The following PDE6A variants were observed in gnomAD, a reference collection of about 807,000 sequenced individuals.
PDE6A encodes the protein phosphodiesterase 6A, also known as rod cGMP-specific 3',5'-cyclic phosphodiesterase subunit alpha.
In PDE6A, 84 loss-of-function variants were observed where a neutral mutation model predicts 106.3. The observed-to-expected ratio is 0.79, with a 90% CI of 0.66 to 0.95. The LOEUF is 0.95. Among genes scored for constraint, PDE6A ranks in the 40% least tolerant of loss-of-function variants. PDE6A has a pLI of 0.00. For missense variants in PDE6A, 1,052 were observed against 1,084.9 expected (o/e 0.97, Z 0.43); for synonymous variants, 394 against 386.6 (o/e 1.02, Z -0.23).
chr5:149,932,027 C>T, intron 3 of PDE6A: 1 of 1,503,910 alleles, frequency 6.6e-7, no homozygotes. Context: ...AAAACCAGAG[C>T]CAGCTATTAA....
At chr5:149,902,176 C>T (rs1423567011) in intron 8 of PDE6A, among the ~76,000 whole-genome samples, 2 of 152,064 alleles carry the variant, frequency 1.3e-5, no homozygotes, top group African/African-American at 2.4e-5. Context: ...TCCTGCCAGT[C>T]TCTCCCTCAA....
At chr5:149,888,819 C>T (rs1020545095) in intron 13 of PDE6A, among the ~76,000 whole-genome samples, 1 of 151,950 alleles carries the variant, frequency 6.6e-6, no homozygotes, top group African/African-American at 2.4e-5. Context: ...TGCGGTGGCT[C>T]ACGCCTGTAA....
chr5:149,937,677 A>C (rs558880386), intron 1 of PDE6A, among the ~76,000 whole-genome samples: 7 of 152,206 alleles, frequency 4.6e-5, no homozygotes, highest in African/African-American at 1.7e-4. Flanking sequence ...CACCTGGCTG[A>C]GTTTGGATTT....
intron 17 of PDE6A, among the ~76,000 whole-genome samples, chr5:149,875,563 C>T (rs1049790945): frequency 4.7e-5 from 7 of 150,454 alleles, no homozygotes; most frequent in Admixed American, 1.3e-4. Flanking sequence ...CGTCAGGGCT[C>T]GCTGCAGCCT....
chr5:149,862,619 A>T (rs944341247), intron 21 of PDE6A, among the ~76,000 whole-genome samples: 1 of 152,200 alleles, frequency 6.6e-6, no homozygotes, highest in African/African-American at 2.4e-5. Context: ...TTAGCCAGGC[A>T]TGGCACTGGG....
intron 3 of PDE6A, chr5:149,932,342 T>C: frequency 7.0e-7 from 1 of 1,422,796 alleles, no homozygotes; most frequent in Non-Finnish European, 9.9e-7. Flanking sequence ...TTGTAGGAGG[T>C]CTTTCTAAAT....
intron 5 of PDE6A, among the ~76,000 whole-genome samples, chr5:149,921,378 AATGTTAGGG>A (rs1044646027): frequency 2.6e-5 from 4 of 152,134 alleles, no homozygotes; most frequent in African/African-American, 9.7e-5. Context: ...CCACTTTGCA[AATGTTAGGG>A]ATGTTAGGGC....
At chr5:149,935,921 G>A (rs1581212690) in intron 1 of PDE6A, among the ~76,000 whole-genome samples, 1 of 152,180 alleles carries the variant, frequency 6.6e-6, no homozygotes, top group Non-Finnish European at 1.5e-5. Context: ...GAAGGCCAAG[G>A]TGGGAGTATT....
intron 20 of PDE6A, among the ~76,000 whole-genome samples, chr5:149,864,191 CA>C (rs1444807112): frequency 6.6e-6 from 1 of 151,982 alleles, no homozygotes; most frequent in Non-Finnish European, 1.5e-5. Context: ...GTCTGGGACA[CA>C]AGGATACTCA....
intron 17 of PDE6A, among the ~76,000 whole-genome samples, chr5:149,876,922 GATAGATAGATAC>G: frequency 6.6e-6 from 1 of 152,016 alleles, no homozygotes; most frequent in African/African-American, 2.4e-5. Context: ...ATGATAGATA[GATAGATAGATAC>G]ATAGATAGAT....
chr5:149,920,967 A>AAAGAAAGAAAG (rs1388090813), intron 5 of PDE6A, among the ~76,000 whole-genome samples: 15 of 130,506 alleles, frequency 1.1e-4, no homozygotes, highest in Non-Finnish European at 2.2e-4. Flanking sequence ...AGAAAGAAAG[A>AAAGAAAGAAAG]AAGAAAGAAA....
intron 3 of PDE6A, chr5:149,932,126 A>G (rs1450600975): frequency 1.7e-5 from 21 of 1,238,026 alleles, no homozygotes; most frequent in South Asian, 2.4e-5. Flanking sequence ...GTAGACGTCT[A>G]TTTAGTTTGA....
At chr5:149,893,511 G>A (rs1752622386) in intron 13 of PDE6A, among the ~76,000 whole-genome samples, 2 of 152,132 alleles carry the variant, frequency 1.3e-5, no homozygotes, top group Admixed American at 1.3e-4. Context: ...CCTACAAAAG[G>A]TATATCCTGC....
chr5:149,896,508 T>G lies in PDE6A; in HGVS notation c.1474-6A>C. 6.2e-7 allele frequency: 1 copy of G among 1,614,212 alleles called. No individual in the cohort carries two copies. On this transcript the variant is annotated splice_polypyrimidine_tract_variant and splice_region_variant and intron_variant, in intron 11 of 21. Coordinates refer to ENST00000255266, the MANE Select transcript of PDE6A (RefSeq NM_000440.3). ...GCATCTGGCAGCTCCGCTTGCTGTATAAGGAATAGAGTCAGGTGATTAGGA... is the reference window on the plus strand; with the variant it reads ...GCATCTGGCAGCTCCGCTTGCTGTAGAAGGAATAGAGTCAGGTGATTAGGA...
In PDE6A at chr5:149,863,146, T is replaced by G. The variant is rs780450680; in HGVS notation, c.2479A>C (p.Lys827Gln). The change falls in exon 21 of 22, where the codon AAG becomes CAG. Residue 827 changes from lysine to glutamine, a missense_variant. By Grantham distance (53) the Lys-to-Gln change is moderately conservative. Around this residue, in one of 3 missense-constraint regions of PDE6A, gnomAD observed 135 missense variants for 153.2 expected, o/e 0.88. Coordinates refer to ENST00000255266, the MANE Select transcript of PDE6A (RefSeq NM_000440.3). The surrounding 1 kb of genome is among the most constrained non-coding windows in gnomAD (Gnocchi z 4.7). ...DAKMKVQEEK[K>Q]QKQQSAKSAA... is the part of the protein sequence containing the mutation. ...GACTTGGCCGACTGCTGTTTCTGCT[T>G]CTTCTCCTCCTGCACCTTCATCTTG... The G allele has an allele frequency of 2.4e-5, 39 of 1,612,692 alleles. No homozygotes were observed. The highest frequency in any genetic ancestry group is 1.6e-4 in the East Asian group (7 of 44,886).
chr5:149,934,488 A>G, intron 2 of PDE6A, 78 bp downstream of exon 2: 1 of 1,471,318 alleles, frequency 6.8e-7, no homozygotes, highest in Non-Finnish European at 9.5e-7. Context: ...GGCCAGGTCA[A>G]ACAGCAAAGT....
rs1752840614 is a variant in PDE6A, at chr5:149,898,461, A to C, written c.1309T>G (p.Tyr437Asp). The stretch of plus-strand genomic sequence containing the variant: ...TTTTCAAGTTTATTCATTGACTCAT[A>C]GGTGTCAGGATTTAAGACAGACCAG... The part of the protein sequence containing the change: ...LGWSVLNPDT[Y>D]ESMNKLENRK... The change falls in exon 10 of 22, where the codon TAT becomes GAT. Residue 437 changes from tyrosine to aspartate, a missense_variant. Transcript: ENST00000255266. The C allele has an allele frequency of 6.2e-7, 1 of 1,613,468 alleles. No individual in the cohort carries two copies. Among genetic ancestry groups the C allele is most frequent in the Non-Finnish European group, 8.5e-7 (1 of 1,179,510 alleles).
In PDE6A at chr5:149,944,499, C is replaced by A. The variant is rs779392630; in HGVS notation, c.175G>T (p.Glu59Ter). 3 of 1,614,142 alleles carry A rather than the reference C, an allele frequency of 1.9e-6. No homozygotes were observed. The highest frequency in any genetic ancestry group is 4.5e-5 in the East Asian group (2 of 44,884). ...TCCCGCAGGAGATCAAAGATGATTTCGCTCTCCTCCATGCTGCTCGGGGAG... is the reference window on the plus strand; with the variant it reads ...TCCCGCAGGAGATCAAAGATGATTTAGCTCTCCTCCATGCTGCTCGGGGAG... ...YHSPSSMEES[E>*]IIFDLLRDFQ... The change falls in exon 1 of 22, where the codon GAA becomes TAA. Residue 59 changes from glutamate (E) to a stop codon, truncating the protein, a stop_gained. Transcript: ENST00000255266. LOFTEE classifies it high-confidence loss of function.
intron 17 of PDE6A, 133 bp from the exon 18 acceptor site, chr5:149,868,291 C>G (rs1411991801): frequency 1.2e-6 from 1 of 823,430 alleles, no homozygotes; most frequent in East Asian, 2.6e-5. Context: ...AGGGCTCACC[C>G]CCATTGCATC....
Sources: allele counts gnomAD v4.1 joint callset (sites outside exome capture counted in the v4.1 genomes callset), GRCh38; gene constraint gnomAD v4.1.1; regional missense constraint gnomAD v4.1.1; non-coding constraint Gnocchi (gnomAD v3.1); transcripts MANE v1.5; gene names NCBI Gene and HGNC (gene_info 2026-07-23, HGNC 2026-07-21).